Variants in USP3 observed in about 807,000 individuals in gnomAD.
USP3 encodes the protein ubiquitin carboxyl-terminal hydrolase 3.
Under a neutral mutation model 72.3 loss-of-function variants are expected in USP3, and 20 were observed. That is an observed-to-expected ratio of 0.28 (90% CI 0.19 to 0.40). The LOEUF is 0.40. Among genes scored for constraint, USP3 ranks in the 10% least tolerant of loss-of-function variants. The pLI is 1.00. For synonymous variants in USP3, 222 were observed against 225.3 expected, an observed-to-expected ratio of 0.99 and a Z score of 0.13; for missense variants, 479 against 633.9, an observed-to-expected ratio of 0.76 and a Z score of 2.62.
In USP3 at chr15:63,584,345, G is replaced by A. The variant is rs374607833; in HGVS notation, c.1097-3960G>A. Among the ~76,000 whole-genome samples the A allele has an allele frequency of 6.6e-5, 10 of 152,126 alleles. No homozygotes were observed. In the East Asian group the frequency reaches 7.7e-4, roughly 12 times the overall value. On this transcript the variant is annotated intron_variant, in intron 11 of 14. Coordinates refer to ENST00000380324, the MANE Select transcript of USP3 (RefSeq NM_006537.4). ...ATCCTCCTGACCTCGTGATCTACCC[G>A]CCTCGGCCTCCCAAAGTGCTGGGAT...
chr15:63,572,986 A>G (rs1298332397), intron 9 of USP3, among the ~76,000 whole-genome samples: 1 of 152,194 alleles, frequency 6.6e-6, no homozygotes, highest in Non-Finnish European at 1.5e-5. Context: ...CTAGATGGAA[A>G]GAATGTGCTT....
intron 11 of USP3, among the ~76,000 whole-genome samples, chr15:63,582,518 A>G (rs1277928485): frequency 6.6e-6 from 1 of 152,172 alleles, no homozygotes; most frequent in East Asian, 1.9e-4. Flanking sequence ...CTCAGCTTAT[A>G]TTGCCTCTTT....
Position 63,590,814 on chromosome 15 carries a change from G to A in USP3, c.1551G>A (p.Ser517=), listed in dbSNP as rs769329111. 1.5e-5 allele frequency: 24 copies of A among 1,611,844 alleles called. No homozygotes were observed. The highest frequency in any genetic ancestry group is 1.7e-4 in the Middle Eastern group (1 of 5,882). The change falls in exon 15 of 15, where the codon TCG becomes TCA. Residue 517 remains serine (S), a synonymous_variant. Coordinates refer to ENST00000380324, the MANE Select transcript of USP3 (RefSeq NM_006537.4). Reference sequence around the variant, plus strand: ...TGGAACACCAGGCCAAAGCTGGATCGGATAAACTTTAATACCTCCTCCAAA... The same window carrying A: ...TGGAACACCAGGCCAAAGCTGGATCAGATAAACTTTAATACCTCCTCCAAA... ...FYVEHQAKAG[S]DKL is the part of the protein sequence containing the mutation.
At chr15:63,554,886 T>A (rs2066486253) in intron 4 of USP3, among the ~76,000 whole-genome samples, 1 of 152,242 alleles carries the variant, frequency 6.6e-6, no homozygotes, top group Non-Finnish European at 1.5e-5. Flanking sequence ...TCTAATTTGA[T>A]GAGTCCTATC....
At position 63,544,447 on chromosome 15, in the gene USP3, A is replaced by G; in HGVS notation, c.284+7291A>G. 1 of 457,536 alleles carries G rather than the reference A, an allele frequency of 2.2e-6. No homozygotes were observed. Among genetic ancestry groups the G allele is most frequent in the Admixed American group, 4.0e-5 (1 of 24,968 alleles). The allele number at this position is 457,536 out of a possible 1,614,324, so 28.3% of individuals were successfully genotyped here. ...GGGGAAGTAGCTGGATTTCAATCCA[A>G]AGTTATTGTTTTGACTTTAGTAGAC... On this transcript the variant is annotated intron_variant, in intron 3 of 14. Transcript: ENST00000380324. The surrounding 1 kb of genome is among the most constrained non-coding windows in gnomAD (Gnocchi z 4.2).
chr15:63,524,611 T>G (rs1319202344), intron 1 of USP3, among the ~76,000 whole-genome samples: 1 of 151,904 alleles, frequency 6.6e-6, no homozygotes, highest in Non-Finnish European at 1.5e-5. Context: ...TGTTCTGGAG[T>G]CTTCTTAACT....
chr15:63,536,511 A>G (rs1347362814), intron 2 of USP3, among the ~76,000 whole-genome samples: 4 of 152,020 alleles, frequency 2.6e-5, no homozygotes, highest in Non-Finnish European at 4.4e-5. Flanking sequence ...AATAATATCT[A>G]TGGTACTGAA....
intron 2 of USP3, chr15:63,533,973 A>G (rs2066115446): frequency 1.4e-6 from 1 of 717,974 alleles, no homozygotes; most frequent in Non-Finnish European, 1.8e-6. Flanking sequence ...GAAGTCTCGT[A>G]GTGCTCTACA....
intron 3 of USP3, among the ~76,000 whole-genome samples, chr15:63,545,788 T>C (rs897359635): frequency 1.1e-4 from 16 of 151,736 alleles, no homozygotes; most frequent in African/African-American, 3.9e-4. Context: ...CTGAGCAACA[T>C]GGCGAAAACC....
chr15:63,572,911 C>T (rs1466420302), intron 9 of USP3, among the ~76,000 whole-genome samples: 1 of 152,172 alleles, frequency 6.6e-6, no homozygotes, highest in Admixed American at 6.5e-5. Context: ...CCTCAGCGTC[C>T]TCATCTACAA....
At chr15:63,508,446 A>G (rs2152645779) in intron 1 of USP3, among the ~76,000 whole-genome samples, 1 of 152,318 alleles carries the variant, frequency 6.6e-6, no homozygotes, top group Admixed American at 6.5e-5. Flanking sequence ...GAAGCTAACT[A>G]GTTAGAAGAT....
At chr15:63,568,477 CT>C (rs2066729720) in intron 8 of USP3, among the ~76,000 whole-genome samples, 4 of 152,042 alleles carry the variant, frequency 2.6e-5, no homozygotes, top group Admixed American at 2.6e-4. Context: ...TCTCAAACAG[CT>C]GTTTGGGTGA....
chr15:63,533,191 A>G (rs1053112764), intron 2 of USP3, among the ~76,000 whole-genome samples: 7 of 152,158 alleles, frequency 4.6e-5, no homozygotes, highest in African/African-American at 1.7e-4. Flanking sequence ...CAGGTATGAT[A>G]TCATTCTTCT....
At chr15:63,573,465 A>G (rs898647320) in intron 9 of USP3, among the ~76,000 whole-genome samples, 2 of 152,254 alleles carry the variant, frequency 1.3e-5, no homozygotes, top group African/African-American at 4.8e-5. Flanking sequence ...AGCTTTTTAA[A>G]AAGTGTTCTC....
chr15:63,558,830 G>A (rs1595747311), intron 6 of USP3, among the ~76,000 whole-genome samples: 1 of 152,100 alleles, frequency 6.6e-6, no homozygotes, highest in African/African-American at 2.4e-5. Flanking sequence ...AGCCAAGATG[G>A]CGCCACTACA....
chr15:63,578,922 A>G (rs997766422), intron 11 of USP3, among the ~76,000 whole-genome samples: 1 of 152,210 alleles, frequency 6.6e-6, no homozygotes, highest in Admixed American at 6.5e-5. Flanking sequence ...ATTAACAACT[A>G]TTGCCATGGA....
intron 1 of USP3, among the ~76,000 whole-genome samples, chr15:63,521,520 T>C (rs569226104): frequency 3.3e-5 from 5 of 152,336 alleles, no homozygotes; most frequent in South Asian, 2.1e-4. Flanking sequence ...GAAATACTTA[T>C]CTATCGTAAT....
chr15:63,560,487 T>C (rs1444281910), intron 7 of USP3, among the ~76,000 whole-genome samples: 1 of 152,056 alleles, frequency 6.6e-6, no homozygotes, highest in Non-Finnish European at 1.5e-5. Flanking sequence ...GCATTCTACT[T>C]ATTGACTCTG....
Position 63,556,705 on chromosome 15 carries a change from T to G in USP3, c.407T>G (p.Leu136Arg). ...FTADRHKKRK[L>R]LENSTLNSKL... ...GCTGACAGGCATAAGAAAAGAAAAC[T>G]TTTGGAAAACTCAACACTAAACAGC... The change falls in exon 5 of 15, where the codon CTT becomes CGT. Residue 136 changes from leucine to arginine, a missense_variant. Leu to Arg is a moderately radical substitution (Grantham distance 102). Transcript: ENST00000380324. 3 of 1,608,742 alleles carry G rather than the reference T, an allele frequency of 1.9e-6. No individual in the cohort carries two copies. Among genetic ancestry groups the G allele is most frequent in the Non-Finnish European group, 2.5e-6 (3 of 1,177,908 alleles).
Sources: gnomAD v4.1 joint callset for allele counts (sites outside exome capture counted in the v4.1 genomes callset) on GRCh38, gnomAD v4.1.1 for gene constraint, Gnocchi (gnomAD v3.1) non-coding constraint, MANE v1.5 for transcripts, NCBI Gene and HGNC (gene_info 2026-07-23, HGNC 2026-07-21) for gene names.